ZBTB7C: variants seen among roughly 807,000 people sequenced by gnomAD.
ZBTB7C encodes zinc finger and BTB domain containing 7C.
A neutral mutation model predicts 25.7 loss-of-function variants in ZBTB7C; 8 were observed. The observed-to-expected ratio is 0.31, with a 90% CI of 0.18 to 0.56. The LOEUF (loss-of-function observed/expected upper bound fraction) is 0.56. ZBTB7C is among the 20% of genes least tolerant of loss of function. The pLI is 0.91. For synonymous variants in ZBTB7C, 394 were observed against 369.0 expected, an observed-to-expected ratio of 1.07 and a Z score of -0.78; for missense variants, 824 against 855.2, an observed-to-expected ratio of 0.96 and a Z score of 0.46.
chr18:48,371,227 G>C (rs1201273735), intron 1 of ZBTB7C, among the ~76,000 whole-genome samples: 1 of 152,200 alleles, frequency 6.6e-6, no homozygotes, highest in Admixed American at 6.5e-5. Flanking sequence ...CTATCAAGCT[G>C]CAGGCCACCT....
chr18:48,394,306 A>AG (rs1300243411), intron 1 of ZBTB7C, among the ~76,000 whole-genome samples: 8 of 152,230 alleles, frequency 5.3e-5, no homozygotes, highest in African/African-American at 1.7e-4. Context: ...GATTGATTAG[A>AG]GGGGGCGGTG....
intron 2 of ZBTB7C, among the ~76,000 whole-genome samples, chr18:48,279,510 C>G (rs1324967281): frequency 1.3e-5 from 2 of 152,206 alleles, no homozygotes; most frequent in Non-Finnish European, 2.9e-5. Flanking sequence ...GAAATATCCA[C>G]CCAAACAAAA....
Position 48,028,519 on chromosome 18 carries a change from A to T in ZBTB7C, c.*741T>A, listed in dbSNP as rs1225181088. On this transcript the variant is annotated 3_prime_UTR_variant, in exon 5 of 5. Coordinates refer to ENST00000590800, the MANE Select transcript of ZBTB7C (RefSeq NM_001318841.2). ...CTGTTTCCCCATGGACTTGGGGAGT[A>T]CAAAGCTTCTACCATCTCTGTGATT... 2.0e-5 allele frequency: 3 copies of T among 152,240 alleles called. No individual in the cohort carries two copies. The highest frequency in any genetic ancestry group is 4.4e-5 in the Non-Finnish European group (3 of 68,058). 9.4% of individuals were successfully genotyped at this position (152,240 alleles called of 1,614,324 possible). A position where few individuals can be genotyped will look rare whatever the true frequency, so the allele number is the denominator to read the frequency against.
intron 3 of ZBTB7C, among the ~76,000 whole-genome samples, chr18:48,044,653 C>G (rs944564937): frequency 1.3e-5 from 2 of 152,228 alleles, no homozygotes; most frequent in African/African-American, 4.8e-5. Flanking sequence ...GGGGACCCAT[C>G]AGATACCTGT....
At chr18:48,046,808 A>G (rs1286191441) in intron 3 of ZBTB7C, among the ~76,000 whole-genome samples, 2 of 152,174 alleles carry the variant, frequency 1.3e-5, no homozygotes, top group Non-Finnish European at 2.9e-5. Context: ...AGGCCCTTCC[A>G]CTTCTCTGGA....
intron 1 of ZBTB7C, among the ~76,000 whole-genome samples, chr18:48,344,236 A>T (rs2144992338): frequency 6.6e-6 from 1 of 152,330 alleles, no homozygotes. Flanking sequence ...CACCCACCTC[A>T]GCCTCCCAAA....
chr18:48,286,854 C>T (rs192263272), intron 2 of ZBTB7C, among the ~76,000 whole-genome samples: 1 of 152,016 alleles, frequency 6.6e-6, no homozygotes, highest in African/African-American at 2.4e-5. Flanking sequence ...GAGTTTGAGA[C>T]CAGCCTGGGC....
chr18:48,091,865 T>A (rs2038430301), intron 3 of ZBTB7C, among the ~76,000 whole-genome samples: 1 of 152,128 alleles, frequency 6.6e-6, no homozygotes, highest in African/African-American at 2.4e-5. Flanking sequence ...CCTCCGTTTA[T>A]CCCATTTGGC....
chr18:48,404,258 A>T (rs1448384196), intron 1 of ZBTB7C, among the ~76,000 whole-genome samples: 2 of 152,186 alleles, frequency 1.3e-5, no homozygotes, highest in African/African-American at 4.8e-5. Context: ...CCATCTCAAA[A>T]AAAAAAGAAT....
intron 3 of ZBTB7C, among the ~76,000 whole-genome samples, chr18:48,180,827 C>G (rs995877397): frequency 6.6e-6 from 1 of 152,206 alleles, no homozygotes; most frequent in African/African-American, 2.4e-5. Flanking sequence ...ATTACTGCTT[C>G]TCTGTATCAT....
intron 3 of ZBTB7C, among the ~76,000 whole-genome samples, chr18:48,119,293 C>G (rs957780277): frequency 6.6e-6 from 1 of 152,236 alleles, no homozygotes; most frequent in Non-Finnish European, 1.5e-5. Flanking sequence ...TCTTCTTAAT[C>G]TTTGAGACTG....
chr18:48,391,890 GCTCTAAGAC>G (rs1484865326), intron 1 of ZBTB7C, among the ~76,000 whole-genome samples: 1 of 152,238 alleles, frequency 6.6e-6, no homozygotes, highest in African/African-American at 2.4e-5. Context: ...CTCAAGGAAA[GCTCTAAGAC>G]CTCAAGCTAT....
chr18:48,054,297 A>G (rs765968632), intron 3 of ZBTB7C, among the ~76,000 whole-genome samples: 1 of 152,194 alleles, frequency 6.6e-6, no homozygotes, highest in African/African-American at 2.4e-5. Context: ...GGAACCAGTT[A>G]GGAGATTGTA....
At chr18:48,223,526 A>T (rs1298311402) in intron 2 of ZBTB7C, among the ~76,000 whole-genome samples, 1 of 152,190 alleles carries the variant, frequency 6.6e-6, no homozygotes, top group Non-Finnish European at 1.5e-5. Flanking sequence ...TCTTCTACTT[A>T]AGCACCTTAC....
At chr18:48,256,173 C>A (rs1204684212) in intron 2 of ZBTB7C, among the ~76,000 whole-genome samples, 1 of 151,838 alleles carries the variant, frequency 6.6e-6, no homozygotes, top group Non-Finnish European at 1.5e-5. Context: ...CTCAAGAAAC[C>A]TGAAACATAA....
chr18:48,123,480 G>A (rs2039697306), intron 3 of ZBTB7C, among the ~76,000 whole-genome samples: 1 of 152,238 alleles, frequency 6.6e-6, no homozygotes, highest in Admixed American at 6.5e-5. Flanking sequence ...CCCAAGCTGG[G>A]ACAAACTTGA....
intron 1 of ZBTB7C, among the ~76,000 whole-genome samples, chr18:48,372,689 G>A (rs957810678): frequency 8.5e-5 from 13 of 152,142 alleles, no homozygotes; most frequent in African/African-American, 2.9e-4. Context: ...GGTCAGGGCC[G>A]TTAATGGTCT....
chr18:48,359,229 C>A (rs910984137), intron 1 of ZBTB7C, among the ~76,000 whole-genome samples: 2 of 152,186 alleles, frequency 1.3e-5, no homozygotes, highest in Non-Finnish European at 2.9e-5. Flanking sequence ...CCACCCAGAA[C>A]TGGGGCCTGG....
At chr18:48,082,663 C>T (rs919731227) in intron 3 of ZBTB7C, among the ~76,000 whole-genome samples, 1 of 152,194 alleles carries the variant, frequency 6.6e-6, no homozygotes, top group Non-Finnish European at 1.5e-5. Context: ...GTAAGGCAAA[C>T]AGCAGACTCT....
Sources: gnomAD v4.1 joint callset for allele counts (sites outside exome capture counted in the v4.1 genomes callset) on GRCh38, gnomAD v4.1.1 for gene constraint, MANE v1.5 for transcripts, NCBI Gene and HGNC (gene_info 2026-07-23, HGNC 2026-07-21) for gene names.